The following SYT1 variants were observed in gnomAD, a reference collection of about 807,000 sequenced individuals.
SYT1 encodes the protein synaptotagmin-1.
SYT1 carries 8 observed loss-of-function variants against 44.8 expected under a neutral mutation model. The observed-to-expected ratio is 0.18, with a 90% CI of 0.10 to 0.32. The LOEUF is 0.32. Ranked by LOEUF, SYT1 falls within the 10% of genes least tolerant of loss-of-function variation. The probability of loss-of-function intolerance (pLI) is 1.00; values close to 1 mark genes in which losing one functional copy is unlikely to be tolerated. For synonymous variants in SYT1, 154 were observed against 188.8 expected, an observed-to-expected ratio of 0.82 and a Z score of 1.51; for missense variants, 286 against 509.3, an observed-to-expected ratio of 0.56 and a Z score of 4.22.
At position 78,882,889 on chromosome 12, in the gene SYT1, G is replaced by T. The variant is rs949944602; in HGVS notation, c.-217+17780G>T. ...CATCATAGATTTTTTTTTCTTGTTTGCTTCTTTTCTTTGTAATGGGAACAG... is the reference window on the plus strand; with the variant it reads ...CATCATAGATTTTTTTTTCTTGTTTTCTTCTTTTCTTTGTAATGGGAACAG... On this transcript the variant is annotated intron_variant, in intron 1 of 10. Coordinates refer to ENST00000261205, the MANE Select transcript of SYT1 (RefSeq NM_005639.3). 9.8e-4 allele frequency among the ~76,000 whole-genome samples: 148 copies of T among 150,282 alleles called. 1 individual carries two copies. Among genetic ancestry groups the T allele is most frequent in the African/African-American group, 3.5e-3 (144 of 41,052 alleles).
chr12:79,232,331 T>C (rs922232178), intron 4 of SYT1, among the ~76,000 whole-genome samples: 1 of 152,208 alleles, frequency 6.6e-6, no homozygotes, highest in Non-Finnish European at 1.5e-5. Context: ...ACTTCTAAAT[T>C]AAAATGTCTT....
intron 4 of SYT1, among the ~76,000 whole-genome samples, chr12:79,267,481 C>T (rs936745583): frequency 3.3e-5 from 5 of 151,766 alleles, no homozygotes; most frequent in Non-Finnish European, 5.9e-5. Context: ...AGTCTTCTAA[C>T]GTAAAAGTTG....
intron 8 of SYT1, among the ~76,000 whole-genome samples, chr12:79,343,011 C>A (rs1422010339): frequency 6.6e-6 from 1 of 152,164 alleles, no homozygotes; most frequent in Non-Finnish European, 1.5e-5. Context: ...TTAGTTATAA[C>A]TACACCCTGC....
intron 8 of SYT1, among the ~76,000 whole-genome samples, chr12:79,313,145 T>C (rs1466082574): frequency 2.0e-5 from 3 of 152,244 alleles, no homozygotes; most frequent in African/African-American, 7.2e-5. Context: ...GAAGAAATTA[T>C]CTGAATCTTG....
intron 3 of SYT1, among the ~76,000 whole-genome samples, chr12:79,090,643 A>G (rs1021798634): frequency 2.6e-5 from 4 of 152,062 alleles, no homozygotes; most frequent in African/African-American, 9.7e-5. Flanking sequence ...AGACAGATTC[A>G]CAGGAAAAAG....
At chr12:78,921,965 T>G (rs1289982725) in intron 1 of SYT1, among the ~76,000 whole-genome samples, 1 of 149,384 alleles carries the variant, frequency 6.7e-6, no homozygotes, top group Non-Finnish European at 1.5e-5. Flanking sequence ...TAATAAATTA[T>G]ATGCTTAAAT....
chr12:79,105,049 G>C (rs1447985006), intron 3 of SYT1, among the ~76,000 whole-genome samples: 1 of 152,186 alleles, frequency 6.6e-6, no homozygotes, highest in Non-Finnish European at 1.5e-5. Context: ...GGATCAAGGA[G>C]ATATTCAAGA....
At chr12:79,431,705 A>T (rs1869798602) in intron 9 of SYT1, among the ~76,000 whole-genome samples, 1 of 151,596 alleles carries the variant, frequency 6.6e-6, no homozygotes, top group Non-Finnish European at 1.5e-5. Context: ...CACCACACCT[A>T]GCTAATTTTG....
intron 8 of SYT1, among the ~76,000 whole-genome samples, chr12:79,346,476 G>C (rs963870393): frequency 6.6e-6 from 1 of 152,102 alleles, no homozygotes; most frequent in East Asian, 1.9e-4. Flanking sequence ...CAAGGCAATT[G>C]ACTAAAATAA....
chr12:79,341,313 G>T (rs1374562101), intron 8 of SYT1: 3 of 152,136 alleles, frequency 2.0e-5, no homozygotes, highest in East Asian at 3.9e-4. Flanking sequence ...TTGGCAGGTA[G>T]GGCTCTGCTT....
intron 1 of SYT1, among the ~76,000 whole-genome samples, chr12:78,957,863 G>A (rs1172250070): frequency 6.6e-6 from 1 of 152,086 alleles, no homozygotes; most frequent in East Asian, 1.9e-4. Context: ...ATACCAAATT[G>A]TTTGGTTCAG....
At chr12:79,106,378 G>A (rs1334471936) in intron 3 of SYT1, among the ~76,000 whole-genome samples, 1 of 152,098 alleles carries the variant, frequency 6.6e-6, no homozygotes, top group Admixed American at 6.5e-5. Flanking sequence ...CAGAAGAACA[G>A]GGATCATATT....
At chr12:79,064,979 A>AGAAG (rs1347888745) in intron 3 of SYT1, among the ~76,000 whole-genome samples, 3 of 147,990 alleles carry the variant, frequency 2.0e-5, no homozygotes, top group African/African-American at 7.8e-5. Flanking sequence ...AAAGAAAGAA[A>AGAAG]GAAAGAAAGA....
intron 3 of SYT1, among the ~76,000 whole-genome samples, chr12:79,113,273 A>G (rs1243278494): frequency 6.6e-6 from 1 of 152,162 alleles, no homozygotes; most frequent in East Asian, 1.9e-4. Flanking sequence ...GGTCAACTTC[A>G]TTGATTTAAC....
chr12:78,936,684 G>C (rs1053654675), intron 1 of SYT1, among the ~76,000 whole-genome samples: 1 of 152,106 alleles, frequency 6.6e-6, no homozygotes, highest in African/African-American at 2.4e-5. Flanking sequence ...AATTTTGCAT[G>C]AACAAGCAAG....
intron 3 of SYT1, among the ~76,000 whole-genome samples, chr12:79,146,359 C>T (rs545965517): frequency 2.0e-5 from 3 of 152,286 alleles, no homozygotes; most frequent in African/African-American, 7.2e-5. Flanking sequence ...AGCTGTATGT[C>T]AGGCTCTTTC....
chr12:79,420,442 C>CCTT (rs371808256), intron 9 of SYT1, among the ~76,000 whole-genome samples: 312 of 152,238 alleles, frequency 2.0e-3, no homozygotes, highest in African/African-American at 6.2e-3. Flanking sequence ...AATCCTTTGA[C>CCTT]CTCAGTTACT....
chr12:79,217,435 G>A, intron 3 of SYT1, 68 bp from the exon 4 acceptor site: 1 of 1,355,522 alleles, frequency 7.4e-7, no homozygotes, highest in Non-Finnish European at 9.7e-7. Flanking sequence ...TCATCTCTGG[G>A]ATACCTTTGA....
chr12:79,222,522 C>G (rs925772892), intron 4 of SYT1, among the ~76,000 whole-genome samples: 1 of 152,066 alleles, frequency 6.6e-6, no homozygotes, highest in Non-Finnish European at 1.5e-5. Flanking sequence ...GCTAGGATTA[C>G]AGGTGTCCAC....
Sources: gnomAD v4.1 joint callset for allele counts (sites outside exome capture counted in the v4.1 genomes callset) on GRCh38, gnomAD v4.1.1 for gene constraint, MANE v1.5 for transcripts, NCBI Gene and HGNC (gene_info 2026-07-23, HGNC 2026-07-21) for gene names.